The following CARS2 variants were observed in gnomAD, a reference collection of about 807,000 sequenced individuals.
CARS2 encodes the protein cysteinyl-tRNA synthetase 2, mitochondrial.
Under a neutral mutation model 68.8 loss-of-function variants are expected in CARS2, and 52 were observed. The ratio of observed to expected loss-of-function variants is 0.76; its 90% CI spans 0.61 to 0.95. The LOEUF is 0.95. Among genes scored for constraint, CARS2 ranks in the 40% least tolerant of loss-of-function variants. The pLI, the probability that CARS2 is intolerant of heterozygous loss-of-function variation, is 0.00. For missense variants in CARS2, 780 were observed against 754.2 expected (o/e 1.03, Z -0.40); for synonymous variants, 314 against 303.6 (o/e 1.03, Z -0.36).
At chr13:110,680,428 C>G (rs1293685862) in intron 6 of CARS2, among the ~76,000 whole-genome samples, 2 of 152,110 alleles carry the variant, frequency 1.3e-5, no homozygotes, top group Non-Finnish European at 2.9e-5. Context: ...AAAAGGTATT[C>G]CAGCAAATAA....
intron 9 of CARS2, among the ~76,000 whole-genome samples, chr13:110,651,359 C>T (rs547970764): frequency 2.6e-5 from 4 of 152,334 alleles, no homozygotes; most frequent in South Asian, 2.1e-4. Flanking sequence ...TCCGCACCTG[C>T]GCAGGCTCCA....
intron 13 of CARS2, chr13:110,643,604 G>C (rs1887691136): frequency 1.3e-5 from 2 of 154,440 alleles, no homozygotes; most frequent in African/African-American, 4.8e-5. Context: ...GGCAGCAGCA[G>C]CCGAGCCACA....
chr13:110,649,943 T>TTTTTTTTTTTTTTTC (rs1566651351), intron 10 of CARS2, among the ~76,000 whole-genome samples: 1 of 146,716 alleles, frequency 6.8e-6, no homozygotes, highest in Non-Finnish European at 1.5e-5. Flanking sequence ...TTTTTTTTTT[T>TTTTTTTTTTTTTTTC]TTTTTTTTTT....
In CARS2 at chr13:110,706,099, C is replaced by T. The variant is rs1404217652; in HGVS notation, c.-6G>A. ...CCGCGCGTAGTCCTCAACATGTCAG[C>T]GGCCAGCGCCTACGACTGGGCGGAG... On this transcript the variant is annotated 5_prime_UTR_variant, in exon 1 of 15. Coordinates refer to ENST00000257347, the MANE Select transcript of CARS2 (RefSeq NM_024537.4). The T allele has an allele frequency of 7.6e-6, 10 of 1,309,556 alleles. No individual in the cohort carries two copies. The highest frequency in any genetic ancestry group is 7.7e-6 in the Non-Finnish European group (8 of 1,033,512). 81.1% of individuals were successfully genotyped at this position (1,309,556 alleles called of 1,614,324 possible). A position where few individuals can be genotyped will look rare whatever the true frequency, so the allele number is the denominator to read the frequency against.
At chr13:110,644,350 T>C (rs1887803964) in intron 13 of CARS2, 35 bp downstream of exon 13, 1 of 1,585,674 alleles carries the variant, frequency 6.3e-7, no homozygotes, top group African/African-American at 1.3e-5. Context: ...ATGGAGAAAA[T>C]TCCAGAATTA....
intron 6 of CARS2, among the ~76,000 whole-genome samples, chr13:110,679,583 G>GAAAA: frequency 5.3e-5 from 1 of 18,998 alleles, no homozygotes; most frequent in African/African-American, 1.1e-4. Context: ...GAGAAAGAAA[G>GAAAA]AAAGAAAGAA....
At chr13:110,644,122 C>G (rs1887772264) in intron 13 of CARS2, 1 of 1,377,812 alleles carries the variant, frequency 7.3e-7, no homozygotes, top group Admixed American at 2.2e-5. Context: ...GTGTGCAGAG[C>G]TGGCGACATT....
At chr13:110,644,690 T>A in intron 12 of CARS2, 1 of 814,406 alleles carries the variant, frequency 1.2e-6, no homozygotes, top group Non-Finnish European at 1.8e-6. Context: ...CTCTTGTGCC[T>A]CAGTTTACCC....
exon 1 of CARS2, chr13:110,713,503 C>T (rs1278316102): frequency 1.0e-6 from 1 of 986,950 alleles, no homozygotes; most frequent in Non-Finnish European, 1.2e-6. Flanking sequence ...CCCTCCGCGA[C>T]CCTCGCCTCT....
At chr13:110,698,461 A>G (rs1162925350) in intron 3 of CARS2, among the ~76,000 whole-genome samples, 1 of 151,932 alleles carries the variant, frequency 6.6e-6, no homozygotes, top group Non-Finnish European at 1.5e-5. Flanking sequence ...TGGAGGTTGC[A>G]GTGAGCGGAG....
intron 8 of CARS2, 128 bp downstream of exon 8, chr13:110,667,212 T>A: frequency 2.3e-6 from 2 of 882,476 alleles, no homozygotes; most frequent in African/African-American, 1.7e-5. Flanking sequence ...AAAAATAATT[T>A]AAGAGGCAAA....
chr13:110,658,942 A>C (rs2062436860), intron 9 of CARS2, among the ~76,000 whole-genome samples: 1 of 152,130 alleles, frequency 6.6e-6, no homozygotes, highest in South Asian at 2.1e-4. Context: ...AACAAACAAA[A>C]AAAGAAAAAC....
chr13:110,659,918 T>C (rs1288748507), intron 9 of CARS2, among the ~76,000 whole-genome samples: 1 of 152,222 alleles, frequency 6.6e-6, no homozygotes, highest in Non-Finnish European at 1.5e-5. Flanking sequence ...CTTCCTTTCA[T>C]GAAAGATTTC....
Position 110,676,149 on chromosome 13 carries a change from C to T in CARS2, c.785+825G>A, listed in dbSNP as rs116709188. ...AACCTGGGCAAGAAGAGTGAACCTCCGTCTCAAAACAAAAAAACAGGAACA... is the reference window on the plus strand; with the variant it reads ...AACCTGGGCAAGAAGAGTGAACCTCTGTCTCAAAACAAAAAAACAGGAACA... On this transcript the variant is annotated intron_variant, in intron 7 of 14. Coordinates refer to ENST00000257347, the MANE Select transcript of CARS2 (RefSeq NM_024537.4). This position sits in a 1 kb window ranked among gnomAD's most constrained non-coding sequence, Gnocchi z 4.0. 4.6e-3 allele frequency among the ~76,000 whole-genome samples: 703 copies of T among 152,260 alleles called. 6 individuals are homozygous for T. Among genetic ancestry groups the T allele is most frequent in the African/African-American group, 0.016 (655 of 41,550 alleles).
intron 6 of CARS2, among the ~76,000 whole-genome samples, chr13:110,679,597 A>AAGAAAGAAGGAAAGAGAGAAAG (rs1312030282): frequency 2.3e-5 from 1 of 43,618 alleles, no homozygotes; most frequent in Admixed American, 2.5e-4. Context: ...GAAAGAAAGA[A>AAGAAAGAAGGAAAGAGAGAAAG]AGAGAGAGAG....
Position 110,676,921 on chromosome 13 carries a change from C to G in CARS2, c.785+53G>C. The G allele has an allele frequency of 6.8e-7, 1 of 1,478,886 alleles. No homozygotes were observed. Among genetic ancestry groups the G allele is most frequent in the Non-Finnish European group, 9.0e-7 (1 of 1,109,862 alleles). The allele number at this position is 1,478,886 out of a possible 1,614,324, so 91.6% of individuals were successfully genotyped here. A position where few individuals can be genotyped will look rare whatever the true frequency, so the allele number is the denominator to read the frequency against. On this transcript the variant is annotated intron_variant, in intron 7 of 14. Transcript: ENST00000257347. The surrounding 1 kb of genome is among the most constrained non-coding windows in gnomAD (Gnocchi z 4.0). The stretch of plus-strand genomic sequence containing the variant: ...CATGCACATCCTCTGCTGCCCTGAG[C>G]AGGCACCAGGGGAACTTGAGCCCCA...
At chr13:110,661,735 G>A (rs1285820255) in intron 9 of CARS2, among the ~76,000 whole-genome samples, 1 of 152,158 alleles carries the variant, frequency 6.6e-6, no homozygotes. Flanking sequence ...TGAACACTTA[G>A]AGGCCACTGT....
At chr13:110,692,244 T>C (rs1024308815) in intron 3 of CARS2, among the ~76,000 whole-genome samples, 1 of 151,116 alleles carries the variant, frequency 6.6e-6, no homozygotes, top group African/African-American at 2.4e-5. Context: ...CTGAGGTGGG[T>C]GGATCACCTG....
At chr13:110,642,191 G>C in intron 14 of CARS2, 124 bp downstream of exon 14, 2 of 747,410 alleles carry the variant, frequency 2.7e-6, no homozygotes, top group South Asian at 3.5e-5. Flanking sequence ...TGGGTGACAA[G>C]AGTGAAACTC....
Sources: allele counts gnomAD v4.1 joint callset (sites outside exome capture counted in the v4.1 genomes callset), GRCh38; gene constraint gnomAD v4.1.1; non-coding constraint Gnocchi (gnomAD v3.1); transcripts MANE v1.5; gene names NCBI Gene and HGNC (gene_info 2026-07-23, HGNC 2026-07-21).